Variants in IP6K3 observed in about 807,000 individuals in gnomAD.
IP6K3 encodes the protein inositol hexakisphosphate kinase 3, also known as ATP:1D-myo-inositol-hexakisphosphate phosphotransferase.
Under a neutral mutation model 28.8 loss-of-function variants are expected in IP6K3, and 20 were observed. The ratio of observed to expected loss-of-function variants is 0.70; its 90% CI spans 0.49 to 1.01. The LOEUF is 1.01. Ranked by LOEUF, IP6K3 falls within the 50% of genes least tolerant of loss-of-function variation. The probability of loss-of-function intolerance (pLI) is 0.00; values close to 1 mark genes in which losing one functional copy is unlikely to be tolerated. For synonymous variants in IP6K3, 213 were observed against 221.3 expected, an observed-to-expected ratio of 0.96 and a Z score of 0.33; for missense variants, 480 against 537.1, an observed-to-expected ratio of 0.89 and a Z score of 1.05.
At chr6:33,741,574 A>G (rs1766720006) in intron 1 of IP6K3, among the ~76,000 whole-genome samples, 1 of 127,964 alleles carries the variant, frequency 7.8e-6, no homozygotes, top group Non-Finnish European at 1.6e-5. Context: ...TGAATCTAGG[A>G]GGTGGAGGTT....
chr6:33,760,553 G>A, the IP6K3 span, among the ~76,000 whole-genome samples: 2 of 152,156 alleles, frequency 1.3e-5, no homozygotes. Flanking sequence ...GTTTGAGATG[G>A]AGTCTTGCTC....
intron 1 of IP6K3, among the ~76,000 whole-genome samples, chr6:33,745,871 C>A (rs1766888700): frequency 6.6e-6 from 1 of 152,190 alleles, no homozygotes; most frequent in Non-Finnish European, 1.5e-5. Context: ...CGGGCCACTG[C>A]TGAAATCAGG....
intron 2 of IP6K3, among the ~76,000 whole-genome samples, chr6:33,734,796 C>T (rs1401592514): frequency 6.6e-6 from 1 of 152,258 alleles, no homozygotes; most frequent in Non-Finnish European, 1.5e-5. Flanking sequence ...TTTGCCTCTT[C>T]CTGGGTGAGG....
Position 33,726,879 on chromosome 6 carries a change from C to A in IP6K3, c.441G>T (p.Glu147Asp). Residue 147 changes from glutamate to aspartate, a missense_variant, in exon 4 of 6, where the codon GAG becomes GAT. Glu to Asp is a conservative substitution (Grantham distance 45). Transcript: ENST00000293756. Reference protein sequence around the residue: ...ESPAKALLRSEPHLNTPAFSL... With the variant: ...ESPAKALLRSDPHLNTPAFSL... ...AGAAGGCTGGAGTGTTGAGGTGGGG[C>A]TCGGACCTCAGAAGAGCCTTGGCCG... 6.2e-7 allele frequency: 1 copy of A among 1,610,208 alleles called. No homozygotes were observed. Among genetic ancestry groups the A allele is most frequent in the Admixed American group, 1.7e-5 (1 of 59,868 alleles).
chr6:33,725,531 A>T lies in IP6K3; in HGVS notation c.675T>A (p.Asp225Glu). 1 of 1,614,204 alleles carries T rather than the reference A, an allele frequency of 6.2e-7. No homozygotes were observed. Among genetic ancestry groups the T allele is most frequent in the Non-Finnish European group, 8.5e-7 (1 of 1,180,030 alleles). ...GGGCCTTCTTCTCCTCCGATGCATC[A>T]TCGCCGTGCTGCCGGGTCCCCATCT... ...DLKMGTRQHG[D>E]DASEEKKARH... Residue 225 changes from aspartate (D) to glutamate (E), a missense_variant, in exon 5 of 6, where the codon GAT becomes GAA. Asp to Glu is a conservative substitution (Grantham distance 45, BLOSUM62 2). Coordinates refer to ENST00000293756, the MANE Select transcript of IP6K3 (RefSeq NM_054111.5).
At chr6:33,724,189 G>A (rs938367078) in intron 5 of IP6K3, among the ~76,000 whole-genome samples, 8 of 152,226 alleles carry the variant, frequency 5.3e-5, no homozygotes, top group Non-Finnish European at 8.8e-5. Flanking sequence ...TAAATCAGCC[G>A]TCAAAAATAC....
intron 2 of IP6K3, among the ~76,000 whole-genome samples, chr6:33,729,963 T>C (rs2127353752): frequency 6.6e-6 from 1 of 152,300 alleles, no homozygotes; most frequent in Non-Finnish European, 1.5e-5. Flanking sequence ...CCACCCACCC[T>C]GGCCTCCCAA....
chr6:33,759,790 G>A, the IP6K3 span, among the ~76,000 whole-genome samples: 12 of 151,960 alleles, frequency 7.9e-5, no homozygotes, highest in Middle Eastern at 3.4e-3. Flanking sequence ...GGAGAATGGC[G>A]TGAACCCAGG....
chr6:33,726,617 G>T, intron 4 of IP6K3, 114 bp downstream of exon 4: 1 of 1,099,172 alleles, frequency 9.1e-7, no homozygotes, highest in East Asian at 2.6e-5. Context: ...GTCTCTCCCT[G>T]CTACCCTCCA....
rs900423585 is a variant in IP6K3 at position 33,744,640 on chromosome 6, C to T, written c.-180+2118G>A. On this transcript the variant is annotated intron_variant, in intron 1 of 5. Transcript: ENST00000293756. This position sits in a 1 kb window ranked among gnomAD's most constrained non-coding sequence, Gnocchi z 4.4. ...ATTAACTGGAAACTAAAGCCAGCAC[C>T]CACCTCCTCACCCAGCCACTGGGGG... is the stretch of plus-strand genomic sequence containing the variant. Among the ~76,000 whole-genome samples, 1 of 152,116 alleles carries T rather than the reference C, an allele frequency of 6.6e-6. No homozygotes were observed. Among genetic ancestry groups the T allele is most frequent in the African/African-American group, 2.4e-5 (1 of 41,422 alleles).
chr6:33,727,517 GT>G (rs1766162076), intron 3 of IP6K3, among the ~76,000 whole-genome samples: 1 of 152,170 alleles, frequency 6.6e-6, no homozygotes, highest in Non-Finnish European at 1.5e-5. Context: ...GCTCCCTTTT[GT>G]TTCCCATAAA....
At chr6:33,751,023 G>A (rs1052583135), upstream of IP6K3, among the ~76,000 whole-genome samples, 1 of 152,164 alleles carries the variant, frequency 6.6e-6, no homozygotes, top group African/African-American at 2.4e-5. This position sits in a 1 kb window ranked among gnomAD's most constrained non-coding sequence, Gnocchi z 4.3. Flanking sequence ...CTGCACCCCA[G>A]CTTGGCATAG....
intron 2 of IP6K3, among the ~76,000 whole-genome samples, chr6:33,728,612 C>T (rs776671823): frequency 1.1e-4 from 16 of 152,216 alleles, no homozygotes; most frequent in Non-Finnish European, 2.2e-4. Context: ...CCTTGCGTTC[C>T]AGTTCCTCTG....
chr6:33,722,801 G>A lies in IP6K3; in HGVS notation c.1152C>T (p.Thr384=). 1 of 1,614,154 alleles carries A rather than the reference G, an allele frequency of 6.2e-7. No individual in the cohort carries two copies. ...TATAGCCAGGGTCTGGTCCATCGTA[G>A]GTGGTGTGCTCATTCCAGTAGCCCT... The part of the protein sequence containing the change: ...TYKGYWNEHT[T]YDGPDPGYIF... The change falls in exon 6 of 6, where the codon ACC becomes ACT. Residue 384 remains threonine (T), a synonymous_variant. Transcript: ENST00000293756.
At chr6:33,755,507 A>G in the IP6K3 span, among the ~76,000 whole-genome samples, 1 of 152,234 alleles carries the variant, frequency 6.6e-6, no homozygotes, top group Admixed American at 6.5e-5. Context: ...GCAAGTCCTT[A>G]AGGTGGCCAG....
chr6:33,754,854 C>T, the IP6K3 span, among the ~76,000 whole-genome samples: 1 of 152,180 alleles, frequency 6.6e-6, no homozygotes, highest in African/African-American at 2.4e-5. Context: ...TTATTATGTG[C>T]CAGGCACTGT....
chr6:33,747,659 G>A (rs373703087), upstream of IP6K3, among the ~76,000 whole-genome samples: 24 of 121,702 alleles, frequency 2.0e-4, no homozygotes, highest in East Asian at 1.9e-3. This position sits in a 1 kb window ranked among gnomAD's most constrained non-coding sequence, Gnocchi z 5.2. Flanking sequence ...CAGAGGCCCA[G>A]AGGCCCAGAG....
intron 2 of IP6K3, among the ~76,000 whole-genome samples, chr6:33,730,038 C>T (rs1766262783): frequency 6.6e-6 from 1 of 152,148 alleles, no homozygotes. Context: ...AGGTTGTCTT[C>T]ATTTAATCTC....
chr6:33,734,235 T>C (rs1003543334), intron 2 of IP6K3, among the ~76,000 whole-genome samples: 23 of 145,580 alleles, frequency 1.6e-4, no homozygotes, highest in Admixed American at 2.0e-4. Flanking sequence ...AGAGAATTCC[T>C]GACCCTCACC....
Sources: allele counts gnomAD v4.1 joint callset (sites outside exome capture counted in the v4.1 genomes callset), GRCh38; gene constraint gnomAD v4.1.1; non-coding constraint Gnocchi (gnomAD v3.1); transcripts MANE v1.5; gene names NCBI Gene and HGNC (gene_info 2026-07-23, HGNC 2026-07-21).